The following ZNF366 variants were observed in gnomAD, a reference collection of about 807,000 sequenced individuals.
ZNF366 encodes dendritic cell-specific transcript protein.
ZNF366 carries 20 observed loss-of-function variants against 47.2 expected under a neutral mutation model. The ratio of observed to expected loss-of-function variants is 0.42; its 90% CI spans 0.30 to 0.62. The LOEUF (loss-of-function observed/expected upper bound fraction) is 0.62. Among genes scored for constraint, ZNF366 ranks in the 20% least tolerant of loss-of-function variants. The pLI is 0.16. For missense variants in ZNF366, 987 were observed against 976.3 expected, an observed-to-expected ratio of 1.01 and a Z score of -0.15; for synonymous variants, 421 against 395.1, an observed-to-expected ratio of 1.07 and a Z score of -0.78.
chr5:72,462,336 T>A (rs535291841), intron 1 of ZNF366, among the ~76,000 whole-genome samples: 1 of 152,278 alleles, frequency 6.6e-6, no homozygotes, highest in South Asian at 2.1e-4. Flanking sequence ...GGGTCTCTCC[T>A]TTCAGACAGG....
chr5:72,451,222 G>A (rs1344689741), intron 3 of ZNF366, among the ~76,000 whole-genome samples: 1 of 152,256 alleles, frequency 6.6e-6, no homozygotes, highest in Non-Finnish European at 1.5e-5. Flanking sequence ...CTCCACCAGC[G>A]TGCCCCCGCT....
intron 1 of ZNF366, among the ~76,000 whole-genome samples, chr5:72,489,510 A>T (rs1187389459): frequency 6.6e-6 from 1 of 152,120 alleles, no homozygotes; most frequent in Non-Finnish European, 1.5e-5. Flanking sequence ...TAATGTACCT[A>T]ATAGGTAATG....
At position 72,460,192 on chromosome 5, in the gene ZNF366, G is replaced by A. The variant is rs779482832; in HGVS notation, c.1305C>T (p.His435=). 3.7e-6 allele frequency: 6 copies of A among 1,614,232 alleles called. No individual in the cohort carries two copies. The South Asian group carries it at 4.4e-5, about 12-fold the overall frequency. The change falls in exon 2 of 5, where the codon CAC becomes CAT. Residue 435 remains histidine (H), a synonymous_variant. Coordinates refer to ENST00000318442, the MANE Select transcript of ZNF366 (RefSeq NM_152625.3). ...ECGMEFVQPH[H]LKQHSLTHKG... is the part of the protein sequence containing the mutation. ...TGTGGGTGAGGGAGTGCTGCTTGAGGTGGTGCGGCTGCACAAACTCCATGC... is the reference window on the plus strand; with the variant it reads ...TGTGGGTGAGGGAGTGCTGCTTGAGATGGTGCGGCTGCACAAACTCCATGC...
At chr5:72,448,841 G>C (rs557241817) in intron 3 of ZNF366, among the ~76,000 whole-genome samples, 1 of 152,188 alleles carries the variant, frequency 6.6e-6, no homozygotes. Flanking sequence ...GGAGTTTAGC[G>C]TAGAAGAATG....
chr5:72,467,015 G>A (rs1020250714), intron 1 of ZNF366, among the ~76,000 whole-genome samples: 2 of 152,142 alleles, frequency 1.3e-5, no homozygotes, highest in Non-Finnish European at 2.9e-5. Flanking sequence ...AAAGACTCCT[G>A]GACTGAGAAA....
Position 72,465,147 on chromosome 5 carries a change from T to A in ZNF366, c.-14-3637A>T, listed in dbSNP as rs562705605. Among the ~76,000 whole-genome samples the A allele has an allele frequency of 6.6e-5, 10 of 152,336 alleles. No homozygotes were observed. The East Asian group carries it at 1.7e-3, about 26-fold the overall frequency. On this transcript the variant is annotated intron_variant, in intron 1 of 4. Transcript: ENST00000318442. ...ACAGCAGTCCCTTTCTGAATACAGA[T>A]GTTTTTCTGCATAAAGACCTTAAGG...
At chr5:72,471,949 A>G (rs905745363) in intron 1 of ZNF366, among the ~76,000 whole-genome samples, 2 of 152,160 alleles carry the variant, frequency 1.3e-5, no homozygotes, top group Admixed American at 1.3e-4. Context: ...GCCTCTGCCT[A>G]AGGTCTTTGG....
At chr5:72,504,320 C>G (rs530387441) in intron 1 of ZNF366, among the ~76,000 whole-genome samples, 1 of 152,038 alleles carries the variant, frequency 6.6e-6, no homozygotes, top group Admixed American at 6.5e-5. Context: ...CCTCCACAAC[C>G]AGGGAAAAGG....
At position 72,460,686 on chromosome 5, in the gene ZNF366, G is replaced by A; in HGVS notation, c.811C>T (p.His271Tyr). Reference protein sequence around the residue: ...SYTSKYNLVTHILGHSGIKPH... With the variant: ...SYTSKYNLVTYILGHSGIKPH... ...TTGATCCCACTGTGGCCCAGGATGT[G>A]GGTGACCAGGTTGTACTTGGAGGTG... is the stretch of plus-strand genomic sequence containing the variant. The change falls in exon 2 of 5, where the codon CAC (histidine) becomes TAC (tyrosine). Residue 271 changes from histidine (H) to tyrosine (Y), a missense_variant. This residue lies in a region of ZNF366 where 591 missense variants were observed against 560.9 expected (regional missense o/e 1.05). Coordinates refer to ENST00000318442, the MANE Select transcript of ZNF366 (RefSeq NM_152625.3). The A allele has an allele frequency of 6.2e-7, 1 of 1,614,228 alleles. No individual in the cohort carries two copies. Among genetic ancestry groups the A allele is most frequent in the Non-Finnish European group, 8.5e-7 (1 of 1,180,038 alleles).
At chr5:72,495,214 A>T (rs1485446366) in intron 1 of ZNF366, among the ~76,000 whole-genome samples, 1 of 151,960 alleles carries the variant, frequency 6.6e-6, no homozygotes, top group East Asian at 1.9e-4. Flanking sequence ...TCTTTTCCCC[A>T]CTCCCAGGAA....
chr5:72,488,950 G>A (rs934557908), intron 1 of ZNF366, among the ~76,000 whole-genome samples: 1 of 152,158 alleles, frequency 6.6e-6, no homozygotes, highest in Admixed American at 6.5e-5. Context: ...TCTTCTTTTG[G>A]GCACATGGTT....
At chr5:72,496,929 CTTT>C (rs1458471970) in intron 1 of ZNF366, among the ~76,000 whole-genome samples, 1 of 151,954 alleles carries the variant, frequency 6.6e-6, no homozygotes, top group Non-Finnish European at 1.5e-5. Flanking sequence ...ATTTCTATAT[CTTT>C]TTTAAGTATT....
At chr5:72,445,873 A>T (rs1392247509) in intron 4 of ZNF366, among the ~76,000 whole-genome samples, 1 of 152,118 alleles carries the variant, frequency 6.6e-6, no homozygotes, top group Non-Finnish European at 1.5e-5. Flanking sequence ...TTTAACTACA[A>T]TTTTTTTCAG....
chr5:72,468,522 T>C (rs1276975273), intron 1 of ZNF366, among the ~76,000 whole-genome samples: 3 of 152,168 alleles, frequency 2.0e-5, no homozygotes, highest in Non-Finnish European at 4.4e-5. Context: ...TAATATAAAG[T>C]CAAGTTTAGT....
intron 2 of ZNF366, 49 bp downstream of exon 2, chr5:72,460,116 C>G: frequency 6.3e-7 from 1 of 1,582,974 alleles, no homozygotes; most frequent in Non-Finnish European, 8.6e-7. Flanking sequence ...CTCAGGGCCC[C>G]GCTCCTCTTC....
Position 72,486,614 on chromosome 5 carries a change from A to G in ZNF366, c.-15+20637T>C, listed in dbSNP as rs914054027. Among the ~76,000 whole-genome samples the G allele has an allele frequency of 6.6e-5, 10 of 152,328 alleles. No individual in the cohort carries two copies. In the East Asian group the frequency reaches 1.7e-3, roughly 26 times the overall value. On this transcript the variant is annotated intron_variant, in intron 1 of 4. Coordinates refer to ENST00000318442, the MANE Select transcript of ZNF366 (RefSeq NM_152625.3). ...CCAACACATAGTGCATCCCATGTGTACAGGAAAGGACAGGAGACCTCTGAG... is the reference window on the plus strand; with the variant it reads ...CCAACACATAGTGCATCCCATGTGTGCAGGAAAGGACAGGAGACCTCTGAG...
At chr5:72,470,752 T>C (rs1431729818) in intron 1 of ZNF366, among the ~76,000 whole-genome samples, 2 of 152,198 alleles carry the variant, frequency 1.3e-5, no homozygotes, top group African/African-American at 2.4e-5. Context: ...CCTGTCCCAG[T>C]TTATCCCAAG....
At chr5:72,447,562 GA>G in intron 3 of ZNF366, 145 bp from the exon 4 acceptor site, 1 of 944,102 alleles carries the variant, frequency 1.1e-6, no homozygotes, top group Non-Finnish European at 1.6e-6. Flanking sequence ...AGGAAATCAG[GA>G]AGGAGCCTCA....
At chr5:72,492,479 AAAC>A (rs761552660) in intron 1 of ZNF366, among the ~76,000 whole-genome samples, 11 of 152,272 alleles carry the variant, frequency 7.2e-5, no homozygotes, top group Admixed American at 3.3e-4. Flanking sequence ...ATAAACAAAC[AAAC>A]AACAACAACA....
Sources: gnomAD v4.1 joint callset for allele counts (sites outside exome capture counted in the v4.1 genomes callset) on GRCh38, gnomAD v4.1.1 for gene constraint, gnomAD v4.1.1 regional missense constraint, MANE v1.5 for transcripts, NCBI Gene and HGNC (gene_info 2026-07-23, HGNC 2026-07-21) for gene names.